Variants in TPRG1 observed in about 807,000 individuals in gnomAD.
TPRG1 encodes tumor protein p63-regulated gene 1 protein.
A neutral mutation model predicts 29.3 loss-of-function variants in TPRG1; 29 were observed. The ratio of observed to expected loss-of-function variants is 0.99; its 90% CI spans 0.74 to 1.35. The LOEUF is 1.35. Ranked by LOEUF, TPRG1 falls within the 40% of genes most tolerant of loss-of-function variation. The pLI is 0.00. For missense variants in TPRG1, 327 were observed against 335.0 expected, an observed-to-expected ratio of 0.98 and a Z score of 0.19; for synonymous variants, 130 against 116.8, an observed-to-expected ratio of 1.11 and a Z score of -0.73.
At chr3:189,175,826 C>T (rs561257308) in intron 1 of TPRG1, among the ~76,000 whole-genome samples, 4 of 152,070 alleles carry the variant, frequency 2.6e-5, no homozygotes, top group Non-Finnish European at 5.9e-5. Context: ...AAGTCTATTC[C>T]TCTGGGTTAT....
At chr3:189,275,196 A>C (rs1715921948) in intron 4 of TPRG1, among the ~76,000 whole-genome samples, 1 of 152,160 alleles carries the variant, frequency 6.6e-6, no homozygotes, top group Admixed American at 6.6e-5. Context: ...AACAGCATAC[A>C]TACAGTGTTA....
At chr3:189,051,411 G>A (rs1715311978) in intron 4 of TPRG1, among the ~76,000 whole-genome samples, 1 of 152,046 alleles carries the variant, frequency 6.6e-6, no homozygotes, top group Non-Finnish European at 1.5e-5. Flanking sequence ...CTTCTGCAAG[G>A]AAAACTACGA....
intron 1 of TPRG1, among the ~76,000 whole-genome samples, chr3:189,187,069 A>C (rs966107754): frequency 7.0e-6 from 1 of 142,236 alleles, no homozygotes; most frequent in African/African-American, 2.6e-5. Flanking sequence ...TCACTGCAAC[A>C]CTTGCCTCTC....
chr3:189,031,628 T>C (rs1200071292), intron 4 of TPRG1, among the ~76,000 whole-genome samples: 1 of 152,206 alleles, frequency 6.6e-6, no homozygotes, highest in Non-Finnish European at 1.5e-5. Flanking sequence ...TGAGTGAATA[T>C]CACATTCCAA....
intron 4 of TPRG1, among the ~76,000 whole-genome samples, chr3:189,026,807 T>C (rs1396832801): frequency 6.6e-6 from 1 of 152,140 alleles, no homozygotes; most frequent in African/African-American, 2.4e-5. Context: ...GACAGTCACA[T>C]TGGCGAAGGA....
At chr3:189,014,938 A>C (rs1459428667) in intron 3 of TPRG1, among the ~76,000 whole-genome samples, 1 of 152,204 alleles carries the variant, frequency 6.6e-6, no homozygotes, top group African/African-American at 2.4e-5. Flanking sequence ...GCACTGTTAT[A>C]AAGATACTTG....
chr3:189,178,759 C>A (rs995936436), intron 1 of TPRG1, among the ~76,000 whole-genome samples: 18 of 152,158 alleles, frequency 1.2e-4, no homozygotes, highest in Non-Finnish European at 1.9e-4. Context: ...TTACTCTACT[C>A]ATAATTTTGG....
intron 4 of TPRG1, among the ~76,000 whole-genome samples, chr3:189,071,530 T>G (rs73048777): frequency 0.021 from 3,247 of 152,246 alleles, 108 homozygotes; most frequent in African/African-American, 0.073. Context: ...AGTATGCATC[T>G]GTACACACAC....
At chr3:189,158,048 A>G (rs4686501) in intron 5 of TPRG1, among the ~76,000 whole-genome samples, 143,776 of 152,272 alleles carry the variant, frequency 0.94, 67,963 homozygotes, top group East Asian at 1. Context: ...TCTCACGGGG[A>G]GCACGTTTAT....
rs1726653591 is a variant in TPRG1 at position 189,156,280 on chromosome 3, CA to C, written c.-10+5411del. On this transcript the variant is annotated intron_variant, in intron 5 of 6. Coordinates refer to the TPRG1 transcript ENST00000412373. ...GTCAGCTTCTAGAAGCCGAAAAAAT[CA>C]AAGAAAAGGTTTTTCTCTTAGATCC... 2.0e-5 allele frequency among the ~76,000 whole-genome samples: 3 copies of C among 151,674 alleles called. No homozygotes were observed. In the South Asian group the frequency reaches 6.2e-4, roughly 32 times the overall value.
intron 4 of TPRG1, among the ~76,000 whole-genome samples, chr3:189,285,425 C>A (rs1717891952): frequency 6.6e-6 from 1 of 152,148 alleles, no homozygotes; most frequent in South Asian, 2.1e-4. Context: ...TTGAGGACAT[C>A]TTTTCTGACT....
Position 189,323,064 on chromosome 3 carries a change from A to G in TPRG1, c.*2244A>G, listed in dbSNP as rs2108509545. On this transcript the variant is annotated 3_prime_UTR_variant, in exon 6 of 6. Coordinates refer to ENST00000345063, the MANE Select transcript of TPRG1 (RefSeq NM_198485.4). ...TTAGGAATTTGGATAGCAGTTCAAGATAAGAAAGAACTTCTTATAGTTATA... is the reference window on the plus strand; with the variant it reads ...TTAGGAATTTGGATAGCAGTTCAAGGTAAGAAAGAACTTCTTATAGTTATA... 1 of 152,230 alleles carries G rather than the reference A, an allele frequency of 6.6e-6. No individual in the cohort carries two copies. The highest frequency in any genetic ancestry group is 1.5e-5 in the Non-Finnish European group (1 of 68,000). The allele number at this position is 152,230 out of a possible 1,614,324, so 9.4% of individuals were successfully genotyped here. A position where few individuals can be genotyped will look rare whatever the true frequency, so the allele number is the denominator to read the frequency against.
chr3:189,287,547 A>C (rs904531853), intron 4 of TPRG1, among the ~76,000 whole-genome samples: 7 of 151,616 alleles, frequency 4.6e-5, no homozygotes, highest in Admixed American at 3.3e-4. Context: ...ACAGGCGCCC[A>C]CCACCACACC....
At chr3:189,238,693 C>A in intron 3 of TPRG1, 40 bp from the exon 4 acceptor site, 1 of 1,526,572 alleles carries the variant, frequency 6.6e-7, no homozygotes, top group Admixed American at 1.8e-5. Flanking sequence ...TTAACTTAGG[C>A]TGTGTCATCA....
chr3:189,056,047 T>C (rs1319609106), intron 4 of TPRG1, among the ~76,000 whole-genome samples: 121 of 98,124 alleles, frequency 1.2e-3, no homozygotes, highest in African/African-American at 3.2e-3. Context: ...CTTCCTTCCT[T>C]CCTTCCTTCC....
At chr3:189,224,432 A>G (rs1264053715) in intron 3 of TPRG1, among the ~76,000 whole-genome samples, 1 of 152,176 alleles carries the variant, frequency 6.6e-6, no homozygotes, top group African/African-American at 2.4e-5. Context: ...GTGAACCAAG[A>G]TCGTGCCACT....
intron 4 of TPRG1, among the ~76,000 whole-genome samples, chr3:189,304,353 A>G (rs9834698): frequency 0.55 from 84,050 of 151,996 alleles, 24,255 homozygotes; most frequent in African/African-American, 0.69. Flanking sequence ...TTTTACAATG[A>G]CACCACAATG....
intron 1 of TPRG1, among the ~76,000 whole-genome samples, chr3:189,197,369 T>C (rs1732717418): frequency 6.6e-6 from 1 of 152,190 alleles, no homozygotes; most frequent in South Asian, 2.1e-4. Context: ...TGTTGCTCTA[T>C]CCTGTCTTTC....
chr3:189,178,899 T>C (rs1235567718), intron 1 of TPRG1, among the ~76,000 whole-genome samples: 1 of 152,218 alleles, frequency 6.6e-6, no homozygotes, highest in Non-Finnish European at 1.5e-5. Flanking sequence ...TTACATCAAA[T>C]GGAGGATGTT....
Sources: gnomAD v4.1 joint callset for allele counts (sites outside exome capture counted in the v4.1 genomes callset) on GRCh38, gnomAD v4.1.1 for gene constraint, MANE v1.5 for transcripts, NCBI Gene and HGNC (gene_info 2026-07-23, HGNC 2026-07-21) for gene names.